Variants in PDP2 observed in about 807,000 individuals in gnomAD.
PDP2 encodes [Pyruvate dehydrogenase [acetyl-transferring]]-phosphatase 2, mitochondrial.
A neutral mutation model predicts 34.2 loss-of-function variants in PDP2; 23 were observed. That is an observed-to-expected ratio of 0.67 (90% confidence interval 0.48 to 0.95). The LOEUF is 0.95. PDP2 is among the 40% of genes least tolerant of loss of function. The pLI, the probability that PDP2 is intolerant of heterozygous loss-of-function variation, is 0.00. For synonymous variants in PDP2, 275 were observed against 269.2 expected, an observed-to-expected ratio of 1.02 and a Z score of -0.21; for missense variants, 571 against 659.6, an observed-to-expected ratio of 0.87 and a Z score of 1.47.
At position 66,884,244 on chromosome 16, in the gene PDP2, CT is replaced by C; in HGVS notation, c.-35del. ...TTTAATTTTTAGGTTTAAAAATATC[CT>C]TTTTTGCTGAAGGAACACATTTGCT... is the stretch of plus-strand genomic sequence containing the variant. On this transcript the variant is annotated 5_prime_UTR_variant, in exon 2 of 2. Coordinates refer to ENST00000311765, the MANE Select transcript of PDP2 (RefSeq NM_020786.4). 2.8e-6 allele frequency: 4 copies of C among 1,439,492 alleles called. No homozygotes were observed. Among genetic ancestry groups the C allele is most frequent in the Non-Finnish European group, 2.8e-6 (3 of 1,077,510 alleles). 89.2% of individuals were successfully genotyped at this position (1,439,492 alleles called of 1,614,324 possible).
Position 66,886,276 on chromosome 16 carries a change from T to G in PDP2, c.*402T>G. On this transcript the variant is annotated 3_prime_UTR_variant, in exon 2 of 2. Transcript: ENST00000311765. Reference sequence around the variant, plus strand: ...CACAAAAATCTGCAAATTTGATAATTCTCCTGAATTCACAATCATGGACTT... The same window carrying G: ...CACAAAAATCTGCAAATTTGATAATGCTCCTGAATTCACAATCATGGACTT... 4.2e-6 allele frequency: 1 copy of G among 236,290 alleles called. No homozygotes were observed. The highest frequency in any genetic ancestry group is 9.3e-6 in the Non-Finnish European group (1 of 107,304). 14.6% of individuals were successfully genotyped at this position (236,290 alleles called of 1,614,324 possible). A position where few individuals can be genotyped will look rare whatever the true frequency, so the allele number is the denominator to read the frequency against.
Position 66,885,687 on chromosome 16 carries a change from A to T in PDP2, c.1403A>T (p.Gln468Leu), listed in dbSNP as rs1225716286. ...GCCAGCGGGCTCCACGAGGCTGACC[A>T]AAATGCAGCCACGCGGCTGATCAGA... is the stretch of plus-strand genomic sequence containing the variant. Reference protein sequence around the residue: ...RKASGLHEADQNAATRLIRHA... With the variant: ...RKASGLHEADLNAATRLIRHA... Residue 468 changes from glutamine to leucine, a missense_variant, in exon 2 of 2, where the codon CAA becomes CTA. Coordinates refer to ENST00000311765, the MANE Select transcript of PDP2 (RefSeq NM_020786.4). This position sits in a 1 kb window ranked among gnomAD's most constrained non-coding sequence, Gnocchi z 4.6. The T allele has an allele frequency of 6.2e-7, 1 of 1,614,100 alleles. No individual in the cohort carries two copies. The highest frequency in any genetic ancestry group is 1.7e-5 in the Admixed American group (1 of 60,022).
In PDP2 at chr16:66,886,642, G is replaced by A. The variant is rs1429687258; in HGVS notation, c.*768G>A. The A allele has an allele frequency of 2.6e-5, 11 of 425,672 alleles. No individual in the cohort carries two copies. The highest frequency in any genetic ancestry group is 5.6e-5 in the Non-Finnish European group (11 of 196,614). The allele number at this position is 425,672 out of a possible 1,614,324, so 26.4% of individuals were successfully genotyped here. ...ATTCCAGAAACTTTGAGCCATGCTA[G>A]GAGGTAACTAGTCTATGCCTTAACT... On this transcript the variant is annotated 3_prime_UTR_variant, in exon 2 of 2. Transcript: ENST00000311765.
chr16:66,884,173 CAAAAAA>C (rs575688634), intron 1 of PDP2, 52 bp from the exon 2 acceptor site: 103 of 642,102 alleles, frequency 1.6e-4, no homozygotes, highest in Non-Finnish European at 1.8e-4. Flanking sequence ...GACTACGTCT[CAAAAAA>C]AAAAAAAAAA....
intron 1 of PDP2, among the ~76,000 whole-genome samples, chr16:66,883,929 C>T (rs1032264781): frequency 6.6e-6 from 1 of 151,718 alleles, no homozygotes; most frequent in Admixed American, 6.6e-5. Context: ...AATCCCAGCA[C>T]TTTGGGAGGC....
chr16:66,886,327 T>A lies in PDP2; in HGVS notation c.*453T>A. On this transcript the variant is annotated 3_prime_UTR_variant, in exon 2 of 2. Transcript: ENST00000311765. ...GTAGACTATGAAGAGATATTTTATT[T>A]GTTTGTCTTTTATTTAAATTACTAA... 1 of 246,470 alleles carries A rather than the reference T, an allele frequency of 4.1e-6. No individual in the cohort carries two copies. Among genetic ancestry groups the A allele is most frequent in the Non-Finnish European group, 9.1e-6 (1 of 109,742 alleles). The allele number at this position is 246,470 out of a possible 1,614,324, so 15.3% of individuals were successfully genotyped here.
In PDP2 at chr16:66,885,370, C is replaced by T. The variant is rs200021211; in HGVS notation, c.1086C>T (p.Ser362=). ...AGTGGAGTAAAGAGTTGCAGCGCAG[C>T]ATTCTGGAGAGGGGCTTCAATACCG... is the stretch of plus-strand genomic sequence containing the variant. ...QLKWSKELQR[S]ILERGFNTEA... The change falls in exon 2 of 2, where the codon AGC becomes AGT. Residue 362 remains serine (S), a synonymous_variant. Coordinates refer to ENST00000311765, the MANE Select transcript of PDP2 (RefSeq NM_020786.4). This position sits in a 1 kb window ranked among gnomAD's most constrained non-coding sequence, Gnocchi z 4.6. 411 of 1,614,074 alleles carry T rather than the reference C, an allele frequency of 2.5e-4. 6 individuals are homozygous for T. Among genetic ancestry groups the T allele is most frequent in the South Asian group, 2.4e-3 (221 of 91,082 alleles).
At chr16:66,882,403 T>G (rs920578764) in intron 1 of PDP2, among the ~76,000 whole-genome samples, 1 of 151,664 alleles carries the variant, frequency 6.6e-6, no homozygotes, top group Non-Finnish European at 1.5e-5. Context: ...ACCATTGCAC[T>G]CTAGCCTGGG....
chr16:66,886,440 G>T lies in PDP2; in HGVS notation c.*566G>T. On this transcript the variant is annotated 3_prime_UTR_variant, in exon 2 of 2. Coordinates refer to ENST00000311765, the MANE Select transcript of PDP2 (RefSeq NM_020786.4). ...TGTGATTATGCTTGTGAGAAATTTT[G>T]TAATACTACATTCTAGTTCTGTTTT... 2 of 387,238 alleles carry T rather than the reference G, an allele frequency of 5.2e-6. No individual in the cohort carries two copies. Among genetic ancestry groups the T allele is most frequent in the Non-Finnish European group, 1.1e-5 (2 of 179,116 alleles). The allele number at this position is 387,238 out of a possible 1,614,324, so 24.0% of individuals were successfully genotyped here. A position where few individuals can be genotyped will look rare whatever the true frequency, so the allele number is the denominator to read the frequency against.
Position 66,884,999 on chromosome 16 carries a change from G to T in PDP2, c.715G>T (p.Asp239Tyr), listed in dbSNP as rs1961689748. 6.2e-7 allele frequency: 1 copy of T among 1,613,456 alleles called. No individual in the cohort carries two copies. The highest frequency in any genetic ancestry group is 8.5e-7 in the Non-Finnish European group (1 of 1,179,680). The change falls in exon 2 of 2, where the codon GAT (aspartate) becomes TAT (tyrosine). Residue 239 changes from aspartate (D) to tyrosine (Y), a missense_variant. By Grantham distance (160) the Asp-to-Tyr change is radical. This residue lies in a region of PDP2 where 281 missense variants were observed against 375.8 expected (regional missense o/e 0.75). Transcript: ENST00000311765. The part of the protein sequence containing the change: ...EALMYSFQRL[D>Y]SDISLEIQAP... ...ATTAATGTACTCCTTCCAGAGACTGGATTCTGACATCTCGCTGGAAATCCA... is the reference window on the plus strand; with the variant it reads ...ATTAATGTACTCCTTCCAGAGACTGTATTCTGACATCTCGCTGGAAATCCA...
In PDP2 at chr16:66,884,335, T is replaced by A. The variant is rs1447889343; in HGVS notation, c.51T>A (p.Ile17=). 1 of 1,613,902 alleles carries A rather than the reference T, an allele frequency of 6.2e-7. No individual in the cohort carries two copies. Among genetic ancestry groups the A allele is most frequent in the Non-Finnish European group, 8.5e-7 (1 of 1,179,850 alleles). ...TCTTAAATTCTACAAGGAACAGCATTGCCACATTGCAAGGGGGTAGACGCT... is the reference window on the plus strand; with the variant it reads ...TCTTAAATTCTACAAGGAACAGCATAGCCACATTGCAAGGGGGTAGACGCT... ...YWILNSTRNS[I]ATLQGGRRLY... Residue 17 remains isoleucine, a synonymous_variant, in exon 2 of 2, where the codon ATT becomes ATA. Transcript: ENST00000311765.
At position 66,889,686 on chromosome 16, in the gene PDP2, G is replaced by T. The variant is rs554458934; in HGVS notation, c.*3812G>T. 4 of 151,758 alleles carry T rather than the reference G, an allele frequency of 2.6e-5. No homozygotes were observed. The highest frequency in any genetic ancestry group is 5.9e-5 in the Non-Finnish European group (4 of 68,020). 9.4% of individuals were successfully genotyped at this position (151,758 alleles called of 1,614,324 possible). On this transcript the variant is annotated 3_prime_UTR_variant, in exon 2 of 2. Transcript: ENST00000311765. Reference sequence around the variant, plus strand: ...AAGATAGTATTCTAAATTCAAATTCGTGGCTAGGCACAGTGGCCCACACCT... The same window carrying T: ...AAGATAGTATTCTAAATTCAAATTCTTGGCTAGGCACAGTGGCCCACACCT...
intron 1 of PDP2, among the ~76,000 whole-genome samples, chr16:66,883,894 G>GT (rs1205028608): frequency 5.3e-5 from 8 of 152,038 alleles, no homozygotes; most frequent in Admixed American, 1.3e-4. Context: ...TAAATTTGTG[G>GT]CTGGGTGCTT....
rs1422733383 is a variant in PDP2, at chr16:66,888,254, G to C, written c.*2380G>C. 1.3e-5 allele frequency: 2 copies of C among 151,846 alleles called. No individual in the cohort carries two copies. Among genetic ancestry groups the C allele is most frequent in the African/African-American group, 2.4e-5 (1 of 41,306 alleles). The allele number at this position is 151,846 out of a possible 1,614,324, so 9.4% of individuals were successfully genotyped here. A position where few individuals can be genotyped will look rare whatever the true frequency, so the allele number is the denominator to read the frequency against. On this transcript the variant is annotated 3_prime_UTR_variant, in exon 2 of 2. Transcript: ENST00000311765. ...TTTTTTTAATTTTTTGTAGAGACAG[G>C]GTTTTGCCATGTTGCCCAGGCTGGT...
Position 66,885,066 on chromosome 16 carries a change from A to C in PDP2, c.782A>C (p.Gln261Pro). 1 of 1,613,986 alleles carries C rather than the reference A, an allele frequency of 6.2e-7. No individual in the cohort carries two copies. Among genetic ancestry groups the C allele is most frequent in the Non-Finnish European group, 8.5e-7 (1 of 1,180,034 alleles). Residue 261 changes from glutamine to proline, a missense_variant, in exon 2 of 2, where the codon CAG (glutamine) becomes CCG (proline). Coordinates refer to ENST00000311765, the MANE Select transcript of PDP2 (RefSeq NM_020786.4). This position sits in a 1 kb window ranked among gnomAD's most constrained non-coding sequence, Gnocchi z 4.6. ...EDEVTRNLSL[Q>P]VAFSGATACM... ...GAGGTGACAAGGAACCTGTCACTCC[A>C]GGTTGCTTTCTCTGGGGCAACAGCT...
chr16:66,886,393 G>A lies in PDP2; in HGVS notation c.*519G>A, dbSNP rs1961766596. ...AGCATACTACAGGACCCTTTTCTATGCAATATCCTAACTTTTTTTTTTGTG... is the reference window on the plus strand; with the variant it reads ...AGCATACTACAGGACCCTTTTCTATACAATATCCTAACTTTTTTTTTTGTG... On this transcript the variant is annotated 3_prime_UTR_variant, in exon 2 of 2. Transcript: ENST00000311765. 2.9e-6 allele frequency: 1 copy of A among 347,338 alleles called. No homozygotes were observed. The highest frequency in any genetic ancestry group is 2.1e-5 in the African/African-American group (1 of 46,686). 21.5% of individuals were successfully genotyped at this position (347,338 alleles called of 1,614,324 possible).
chr16:66,881,431 T>TA (rs1961513811), intron 1 of PDP2, among the ~76,000 whole-genome samples: 1 of 113,960 alleles, frequency 8.8e-6, no homozygotes, highest in Admixed American at 8.4e-5. Context: ...TTTTTTTTTT[T>TA]AATTTAATTT....
chr16:66,888,685 T>C lies in PDP2; in HGVS notation c.*2811T>C, dbSNP rs1961886717. ...TGTTGCTCAGGCTGGTTGTCTGGCATTTTCTTTGTCCTTTATTCTTTATAC... is the reference window on the plus strand; with the variant it reads ...TGTTGCTCAGGCTGGTTGTCTGGCACTTTCTTTGTCCTTTATTCTTTATAC... On this transcript the variant is annotated 3_prime_UTR_variant, in exon 2 of 2. Transcript: ENST00000311765. The C allele has an allele frequency of 6.6e-6, 1 of 152,216 alleles. No individual in the cohort carries two copies. The highest frequency in any genetic ancestry group is 1.5e-5 in the Non-Finnish European group (1 of 68,050). The allele number at this position is 152,216 out of a possible 1,614,324, so 9.4% of individuals were successfully genotyped here.
rs1961778964 is a variant in PDP2 at position 66,886,686 on chromosome 16, A to G, written c.*812A>G. The G allele has an allele frequency of 3.2e-6, 1 of 315,266 alleles. No homozygotes were observed. The highest frequency in any genetic ancestry group is 2.6e-5 in the South Asian group (1 of 37,976). 19.5% of individuals were successfully genotyped at this position (315,266 alleles called of 1,614,324 possible). A position where few individuals can be genotyped will look rare whatever the true frequency, so the allele number is the denominator to read the frequency against. Reference sequence around the variant, plus strand: ...CTTAACTCCTGACCTTTCCTGCATTAGTAAAATTTCCTCCTGGGCTGAGCC... The same window carrying G: ...CTTAACTCCTGACCTTTCCTGCATTGGTAAAATTTCCTCCTGGGCTGAGCC... On this transcript the variant is annotated 3_prime_UTR_variant, in exon 2 of 2. Coordinates refer to ENST00000311765, the MANE Select transcript of PDP2 (RefSeq NM_020786.4).
Sources: gnomAD v4.1 joint callset for allele counts (sites outside exome capture counted in the v4.1 genomes callset) on GRCh38, gnomAD v4.1.1 for gene constraint, gnomAD v4.1.1 regional missense constraint, Gnocchi (gnomAD v3.1) non-coding constraint, MANE v1.5 for transcripts, NCBI Gene and HGNC (gene_info 2026-07-23, HGNC 2026-07-21) for gene names.